ARHGAP35: variants seen among roughly 807,000 people sequenced by gnomAD.
The protein encoded by ARHGAP35 is Rho GTPase activating protein 35, also known as rho GTPase-activating protein 35.
In ARHGAP35, 15 loss-of-function variants were observed where a neutral mutation model predicts 111.1. The ratio of observed to expected loss-of-function variants is 0.13; its 90% CI spans 0.09 to 0.21. The LOEUF is 0.21. Ranked by LOEUF, ARHGAP35 falls within the 10% of genes least tolerant of loss-of-function variation. The pLI is 1.00. For synonymous variants in ARHGAP35, 643 were observed against 710.3 expected (o/e 0.91, Z 1.51); for missense variants, 1,262 against 1,873.0 (o/e 0.67, Z 6.02).
At position 47,002,415 on chromosome 19, in the gene ARHGAP35, T is replaced by G. The variant is rs1175270854; in HGVS notation, c.*1727T>G. 1 of 152,394 alleles carries G rather than the reference T, an allele frequency of 6.6e-6. No individual in the cohort carries two copies. The highest frequency in any genetic ancestry group is 2.4e-5 in the African/African-American group (1 of 41,450). The allele number at this position is 152,394 out of a possible 1,614,324, so 9.4% of individuals were successfully genotyped here. ...CTTGGAAACACCTAACCTTGCAAGT[T>G]TTACCGCCTTTTGAGGAACACAAAT... On this transcript the variant is annotated 3_prime_UTR_variant, in exon 7 of 7. Coordinates refer to ENST00000672722, the MANE Select transcript of ARHGAP35 (RefSeq NM_004491.5).
At position 47,003,881 on chromosome 19, in the gene ARHGAP35, G is replaced by A. The variant is rs2056761389; in HGVS notation, c.*3193G>A. The A allele has an allele frequency of 6.6e-6, 1 of 151,914 alleles. No individual in the cohort carries two copies. The highest frequency in any genetic ancestry group is 6.6e-5 in the Admixed American group (1 of 15,160). 9.4% of individuals were successfully genotyped at this position (151,914 alleles called of 1,614,324 possible). Reference sequence around the variant, plus strand: ...CCTGGGTCAAGCCAGCATCCCCTTGGTAAAGACCCCCGCAGGCCACCAGGC... The same window carrying A: ...CCTGGGTCAAGCCAGCATCCCCTTGATAAAGACCCCCGCAGGCCACCAGGC... On this transcript the variant is annotated 3_prime_UTR_variant, in exon 7 of 7. Transcript: ENST00000672722.
In ARHGAP35 at chr19:47,003,427, T is replaced by C. The variant is rs1268546199; in HGVS notation, c.*2739T>C. The C allele has an allele frequency of 6.6e-6, 1 of 152,190 alleles. No individual in the cohort carries two copies. Among genetic ancestry groups the C allele is most frequent in the African/African-American group, 2.4e-5 (1 of 41,426 alleles). The allele number at this position is 152,190 out of a possible 1,614,324, so 9.4% of individuals were successfully genotyped here. On this transcript the variant is annotated 3_prime_UTR_variant, in exon 7 of 7. Transcript: ENST00000672722. ...CTGCCCAGCGAGAGCGCAGACACCG[T>C]GTGAGGGGACAGCAGCCCTTGGTGC... is the stretch of plus-strand genomic sequence containing the variant.
At position 46,920,729 on chromosome 19, in the gene ARHGAP35, C is replaced by T. The variant is rs776487199; in HGVS notation, c.2054C>T (p.Thr685Met). ...VESIEKSRES[T>M]LGRRDNHLVH... ...AGTATAGAGAAGAGTAGAGAGTCCA[C>T]GCTGGGCCGGCGGGATAATCATTTA... is the stretch of plus-strand genomic sequence containing the variant. The change falls in exon 2 of 7, where the codon ACG (threonine) becomes ATG (methionine). Residue 685 changes from threonine to methionine, a missense_variant. By Grantham distance (81) the Thr-to-Met change is moderately conservative. Around this residue, in one of 8 missense-constraint regions of ARHGAP35, gnomAD observed 579 missense variants for 716.9 expected, o/e 0.81. Coordinates refer to ENST00000672722, the MANE Select transcript of ARHGAP35 (RefSeq NM_004491.5). This position sits in a 1 kb window ranked among gnomAD's most constrained non-coding sequence, Gnocchi z 7.0. 28 of 1,613,012 alleles carry T rather than the reference C, an allele frequency of 1.7e-5. No homozygotes were observed. The highest frequency in any genetic ancestry group is 3.3e-5 in the South Asian group (3 of 91,016).
At position 46,922,054 on chromosome 19, in the gene ARHGAP35, T is replaced by A. The variant is rs1215594361; in HGVS notation, c.3379T>A (p.Ser1127Thr). The change falls in exon 2 of 7, where the codon TCC (serine) becomes ACC (threonine). Residue 1127 changes from serine to threonine, a missense_variant. Physicochemically the swap from Ser to Thr is moderately conservative, Grantham distance 58. Transcript: ENST00000672722. The surrounding 1 kb of genome is among the most constrained non-coding windows in gnomAD (Gnocchi z 4.0). ...CATTCGGAATATCAACAAAGCCCAGTCCAACGGCAGCGGGAATGGTTCTGA... is the reference window on the plus strand; with the variant it reads ...CATTCGGAATATCAACAAAGCCCAGACCAACGGCAGCGGGAATGGTTCTGA... ...ITIRNINKAQSNGSGNGSDSE... is the reference protein window; with the variant it reads ...ITIRNINKAQTNGSGNGSDSE... 1 of 1,613,994 alleles carries A rather than the reference T, an allele frequency of 6.2e-7. No homozygotes were observed. Among genetic ancestry groups the A allele is most frequent in the Non-Finnish European group, 8.5e-7 (1 of 1,179,890 alleles).
chr19:46,869,477 TG>T (rs1001809217), intron 1 of ARHGAP35, among the ~76,000 whole-genome samples: 12 of 40,236 alleles, frequency 3.0e-4, no homozygotes, highest in African/African-American at 8.8e-4. Flanking sequence ...GAAAAAAAAT[TG>T]TGTGTGTGTG....
In ARHGAP35 at chr19:46,980,159, C is replaced by T. The variant is rs534678387; in HGVS notation, c.3827-7830C>T. Among the ~76,000 whole-genome samples, 12 of 152,128 alleles carry T rather than the reference C, an allele frequency of 7.9e-5. No homozygotes were observed. In the East Asian group the frequency reaches 1.7e-3, roughly 22 times the overall value. On this transcript the variant is annotated intron_variant, in intron 3 of 6. Coordinates refer to ENST00000672722, the MANE Select transcript of ARHGAP35 (RefSeq NM_004491.5). Reference sequence around the variant, plus strand: ...CAGCACTTTGGGAGGCAAAGGTGGGCGGACCACCTGAGGTCAGGAGTTCAA... The same window carrying T: ...CAGCACTTTGGGAGGCAAAGGTGGGTGGACCACCTGAGGTCAGGAGTTCAA...
In ARHGAP35 at chr19:46,988,124, G is replaced by C. The variant is rs901086990; in HGVS notation, c.3904+58G>C. The C allele has an allele frequency of 2.6e-6, 4 of 1,530,294 alleles. No homozygotes were observed. Among genetic ancestry groups the C allele is most frequent in the Non-Finnish European group, 3.6e-6 (4 of 1,114,170 alleles). The allele number at this position is 1,530,294 out of a possible 1,614,324, so 94.8% of individuals were successfully genotyped here. ...AGAGCTGGTCAAGGCAGACACAGCT[G>C]CCTCGGTGAACTGTCTGTGGGGCTT... On this transcript the variant is annotated intron_variant, in intron 4 of 6. Transcript: ENST00000672722. This position sits in a 1 kb window ranked among gnomAD's most constrained non-coding sequence, Gnocchi z 5.4.
intron 1 of ARHGAP35, among the ~76,000 whole-genome samples, chr19:46,866,055 G>A (rs1471086832): frequency 1.3e-5 from 2 of 152,110 alleles, no homozygotes; most frequent in African/African-American, 4.8e-5. Flanking sequence ...TGGCCAGGCT[G>A]GTCTTGAACT....
chr19:46,930,293 G>A (rs1303074752), intron 2 of ARHGAP35, among the ~76,000 whole-genome samples: 2 of 151,312 alleles, frequency 1.3e-5, no homozygotes, highest in Non-Finnish European at 1.5e-5. Flanking sequence ...CAGGGAGGTC[G>A]AGGCTGCAGT....
intron 3 of ARHGAP35, among the ~76,000 whole-genome samples, chr19:46,964,070 G>A (rs1483390884): frequency 6.6e-6 from 1 of 151,950 alleles, no homozygotes; most frequent in African/African-American, 2.4e-5. Context: ...GTTTCACCAT[G>A]TTGGCCAAGC....
At chr19:46,865,427 A>G (rs1429260091) in intron 1 of ARHGAP35, among the ~76,000 whole-genome samples, 2 of 152,170 alleles carry the variant, frequency 1.3e-5, no homozygotes, top group African/African-American at 4.8e-5. Context: ...ATGAAGGTCG[A>G]TGCATTTAGA....
chr19:46,979,903 A>C (rs962500468), intron 3 of ARHGAP35, among the ~76,000 whole-genome samples: 1 of 152,146 alleles, frequency 6.6e-6, no homozygotes, highest in Non-Finnish European at 1.5e-5. Context: ...CCGAGTGTTC[A>C]AGGAGGAGAG....
At chr19:46,956,784 C>T (rs549258328) in intron 3 of ARHGAP35, among the ~76,000 whole-genome samples, 6 of 152,188 alleles carry the variant, frequency 3.9e-5, no homozygotes, top group African/African-American at 1.2e-4. Context: ...AGTGACTTAC[C>T]CTGTCTAAGC....
intron 1 of ARHGAP35, among the ~76,000 whole-genome samples, chr19:46,865,146 AG>A (rs2055848354): frequency 6.6e-6 from 1 of 152,212 alleles, no homozygotes; most frequent in African/African-American, 2.4e-5. Context: ...TGGGTGCTAC[AG>A]AAATGTGAGG....
At chr19:46,984,017 G>A (rs1260181683) in intron 3 of ARHGAP35, among the ~76,000 whole-genome samples, 2 of 152,118 alleles carry the variant, frequency 1.3e-5, no homozygotes, top group Non-Finnish European at 2.9e-5. Context: ...GATCTTGGCT[G>A]TTCTGAGCTT....
At chr19:46,907,066 T>TG (rs2056112524) in intron 1 of ARHGAP35, among the ~76,000 whole-genome samples, 1 of 152,214 alleles carries the variant, frequency 6.6e-6, no homozygotes, top group Non-Finnish European at 1.5e-5. Context: ...GGCTCCAACC[T>TG]GGGTGATAGA....
chr19:46,953,963 C>T lies in ARHGAP35; in HGVS notation c.3826+16555C>T, dbSNP rs561778458. 3.3e-5 allele frequency among the ~76,000 whole-genome samples: 5 copies of T among 152,342 alleles called. No homozygotes were observed. In the South Asian group the frequency reaches 1.0e-3, roughly 32 times the overall value. ...ATTCCCATCCTTTCCGAAGCCTTCA[C>T]ACTCTAGACATGCCTCGATTATAGT... On this transcript the variant is annotated intron_variant, in intron 3 of 6. Coordinates refer to ENST00000672722, the MANE Select transcript of ARHGAP35 (RefSeq NM_004491.5).
In ARHGAP35 at chr19:46,913,537, C is replaced by T. The variant is rs757561338; in HGVS notation, c.-188-4951C>T. 2.0e-5 allele frequency among the ~76,000 whole-genome samples: 3 copies of T among 152,236 alleles called. No homozygotes were observed. In the East Asian group the frequency reaches 5.8e-4, roughly 29 times the overall value. ...GTGTCTTGGTTAAACAAATCACAAA[C>T]AACTCTAGATGCTTGGTGACAGTCT... On this transcript the variant is annotated intron_variant, in intron 1 of 6. Coordinates refer to ENST00000672722, the MANE Select transcript of ARHGAP35 (RefSeq NM_004491.5).
rs72465629 is a variant in ARHGAP35 at position 46,888,333 on chromosome 19, TACACACAC to T, written c.-189+27149_-189+27156del. On this transcript the variant is annotated intron_variant, in intron 1 of 6. Coordinates refer to ENST00000672722, the MANE Select transcript of ARHGAP35 (RefSeq NM_004491.5). The stretch of plus-strand genomic sequence containing the variant: ...ATATATATATAAAATATTGATTTTA[TACACACAC>T]ACACACACACACACACACACACACC... 3.2e-3 allele frequency among the ~76,000 whole-genome samples: 215 copies of T among 67,420 alleles called. 6 individuals carry two copies. The highest frequency in any genetic ancestry group is 8.2e-3 in the Middle Eastern group (1 of 122). 44.2% of individuals were successfully genotyped at this position (67,420 alleles called of 152,430 possible). A position where few individuals can be genotyped will look rare whatever the true frequency, so the allele number is the denominator to read the frequency against.
Sources: gnomAD v4.1 joint callset for allele counts (sites outside exome capture counted in the v4.1 genomes callset) on GRCh38, gnomAD v4.1.1 for gene constraint, gnomAD v4.1.1 regional missense constraint, Gnocchi (gnomAD v3.1) non-coding constraint, MANE v1.5 for transcripts, NCBI Gene and HGNC (gene_info 2026-07-23, HGNC 2026-07-21) for gene names.